The following PKNOX2 variants were observed in gnomAD, a reference collection of about 807,000 sequenced individuals.
PKNOX2 encodes the protein PBX/knotted 1 homeobox 2.
In PKNOX2, 14 loss-of-function variants were observed where a neutral mutation model predicts 53.1. The ratio of observed to expected loss-of-function variants is 0.26; its 90% CI spans 0.17 to 0.41. The LOEUF (loss-of-function observed/expected upper bound fraction) is 0.41, where lower values mean the gene tolerates loss of function less well. Ranked by LOEUF, PKNOX2 falls within the 10% of genes least tolerant of loss-of-function variation. The pLI is 1.00. For missense variants in PKNOX2, 496 were observed against 602.8 expected (o/e 0.82, Z 1.85); for synonymous variants, 257 against 242.8 (o/e 1.06, Z -0.54).
intron 2 of PKNOX2, among the ~76,000 whole-genome samples, chr11:125,238,389 G>A (rs2135585654): frequency 6.6e-6 from 1 of 152,326 alleles, no homozygotes. Flanking sequence ...CACTTAGGGT[G>A]CATTTTCTCA....
At chr11:125,242,535 T>C (rs1157120050) in intron 2 of PKNOX2, among the ~76,000 whole-genome samples, 1 of 151,966 alleles carries the variant, frequency 6.6e-6, no homozygotes, top group Non-Finnish European at 1.5e-5. Context: ...TGGCCTCTGG[T>C]TACTGGTTCT....
At chr11:125,208,816 T>C (rs1241697111) in intron 1 of PKNOX2, among the ~76,000 whole-genome samples, 1 of 151,956 alleles carries the variant, frequency 6.6e-6, no homozygotes, top group Non-Finnish European at 1.5e-5. Flanking sequence ...ATGAGCAGGT[T>C]CAGGGAGCGA....
chr11:125,431,249 G>T lies in PKNOX2; in HGVS notation c.1276G>T (p.Asp426Tyr). The change falls in exon 13 of 13, where the codon GAT (aspartate) becomes TAT (tyrosine). Residue 426 changes from aspartate to tyrosine, a missense_variant. This residue lies in a region of PKNOX2 where 139 missense variants were observed against 161.3 expected (regional missense o/e 0.86). Coordinates refer to ENST00000298282, the MANE Select transcript of PKNOX2 (RefSeq NM_001382323.2). ...AMQQAMMAAH[D>Y]DSLDGTEEED... ...GCAGCAGGCTATGATGGCTGCACAC[G>T]ATGACTCATTGGATGGGACAGAAGA... 1 of 1,613,806 alleles carries T rather than the reference G, an allele frequency of 6.2e-7. No homozygotes were observed. The highest frequency in any genetic ancestry group is 8.5e-7 in the Non-Finnish European group (1 of 1,179,918).
chr11:125,306,192 C>T (rs1423881172), intron 2 of PKNOX2, among the ~76,000 whole-genome samples: 1 of 151,764 alleles, frequency 6.6e-6, no homozygotes, highest in Non-Finnish European at 1.5e-5. Context: ...ACCTGCCCGG[C>T]GGCAGGTGGC....
At chr11:125,310,540 A>G (rs1272403273) in intron 2 of PKNOX2, among the ~76,000 whole-genome samples, 2 of 151,886 alleles carry the variant, frequency 1.3e-5, no homozygotes, top group Admixed American at 1.3e-4. Context: ...AAATAATCCT[A>G]TTTAGAATTT....
intron 2 of PKNOX2, among the ~76,000 whole-genome samples, chr11:125,292,956 G>A (rs961461461): frequency 1.3e-5 from 2 of 152,148 alleles, no homozygotes; most frequent in African/African-American, 4.8e-5. Flanking sequence ...GTTTTGCGGG[G>A]AGCGTCGCAG....
Position 125,430,112 on chromosome 11 carries a change from A to G in PKNOX2, c.1163A>G (p.Gln388Arg). ...ATCGCTGCGGGGGTGCTGCAGCAGC[A>G]GGGCGGTGCCCCAGGGACAAACCCC... is the stretch of plus-strand genomic sequence containing the variant. ...NSIAAGVLQQ[Q>R]GGAPGTNPDG... Residue 388 changes from glutamine (Q) to arginine (R), a missense_variant, in exon 12 of 13, where the codon CAG (glutamine) becomes CGG (arginine). Coordinates refer to ENST00000298282, the MANE Select transcript of PKNOX2 (RefSeq NM_001382323.2). 1.9e-6 allele frequency: 3 copies of G among 1,614,112 alleles called. No homozygotes were observed. The highest frequency in any genetic ancestry group is 2.5e-6 in the Non-Finnish European group (3 of 1,179,982).
intron 2 of PKNOX2, among the ~76,000 whole-genome samples, chr11:125,297,586 G>A (rs962492964): frequency 2.0e-5 from 3 of 152,200 alleles, no homozygotes; most frequent in South Asian, 2.1e-4. Context: ...TGCACTTAAG[G>A]AAATTGGCTG....
chr11:125,334,724 G>A (rs955063159), intron 3 of PKNOX2, among the ~76,000 whole-genome samples: 3 of 151,456 alleles, frequency 2.0e-5, no homozygotes, highest in Admixed American at 6.6e-5. Context: ...TCAGTCTCCT[G>A]AGTAGCTGGG....
chr11:125,196,978 C>G (rs149499560), intron 1 of PKNOX2, among the ~76,000 whole-genome samples: 1 of 152,256 alleles, frequency 6.6e-6, no homozygotes, highest in South Asian at 2.1e-4. Context: ...TGGGTAAAGC[C>G]GTAAGCGATG....
chr11:125,182,479 T>A (rs1409937902), intron 1 of PKNOX2, among the ~76,000 whole-genome samples: 1 of 152,210 alleles, frequency 6.6e-6, no homozygotes, highest in African/African-American at 2.4e-5. Context: ...TGGCCAAATG[T>A]CTTAACTTGA....
chr11:125,253,069 T>C (rs750909849), intron 2 of PKNOX2, among the ~76,000 whole-genome samples: 7 of 152,212 alleles, frequency 4.6e-5, no homozygotes, highest in Non-Finnish European at 8.8e-5. Context: ...CTTCCTGATA[T>C]GTTTGGGTTG....
intron 4 of PKNOX2, among the ~76,000 whole-genome samples, chr11:125,359,300 G>A (rs1951797582): frequency 6.6e-6 from 1 of 152,174 alleles, no homozygotes; most frequent in Non-Finnish European, 1.5e-5. Flanking sequence ...TGTTAGCGAA[G>A]GGTCCCTCTG....
intron 2 of PKNOX2, among the ~76,000 whole-genome samples, chr11:125,275,098 T>C (rs972220339): frequency 4.6e-5 from 7 of 152,134 alleles, no homozygotes; most frequent in Non-Finnish European, 1.0e-4. Flanking sequence ...AGGAGTAGAA[T>C]GAATAAACAA....
chr11:125,172,113 T>A (rs1324984936), intron 1 of PKNOX2, among the ~76,000 whole-genome samples: 2 of 152,156 alleles, frequency 1.3e-5, no homozygotes, highest in African/African-American at 4.8e-5. Flanking sequence ...TCCTAGGTCA[T>A]GGTGCTCTGC....
chr11:125,251,726 C>A (rs1944016798), intron 2 of PKNOX2, among the ~76,000 whole-genome samples: 1 of 151,242 alleles, frequency 6.6e-6, no homozygotes, highest in South Asian at 2.1e-4. Flanking sequence ...GCTGGCTCAA[C>A]CCCCAGATGG....
At chr11:125,178,414 G>A (rs1955849063) in intron 1 of PKNOX2, among the ~76,000 whole-genome samples, 2 of 151,566 alleles carry the variant, frequency 1.3e-5, no homozygotes, top group Non-Finnish European at 2.9e-5. Flanking sequence ...GGGAGGCTGA[G>A]GCAGGAGAAT....
At chr11:125,390,911 T>C (rs1227682681) in intron 6 of PKNOX2, among the ~76,000 whole-genome samples, 1 of 152,192 alleles carries the variant, frequency 6.6e-6, no homozygotes, top group Admixed American at 6.5e-5. Context: ...GGTATTCACC[T>C]TTTTTTCATG....
intron 2 of PKNOX2, among the ~76,000 whole-genome samples, chr11:125,313,802 AG>A (rs530440352): frequency 5.3e-4 from 80 of 152,246 alleles, no homozygotes; most frequent in Middle Eastern, 3.2e-3. Context: ...ACCAGGTTTG[AG>A]CCAAGTGCTC....
Sources: allele counts gnomAD v4.1 joint callset (sites outside exome capture counted in the v4.1 genomes callset), GRCh38; gene constraint gnomAD v4.1.1; regional missense constraint gnomAD v4.1.1; transcripts MANE v1.5; gene names NCBI Gene and HGNC (gene_info 2026-07-23, HGNC 2026-07-21).